NOS1AP: variants seen among roughly 807,000 people sequenced by gnomAD.
NOS1AP encodes the protein nitric oxide synthase 1 adaptor protein, also known as carboxyl-terminal PDZ ligand of neuronal nitric oxide synthase protein.
In NOS1AP, 21 loss-of-function variants were observed where a neutral mutation model predicts 56.2. The observed-to-expected ratio is 0.37, with a 90% CI of 0.26 to 0.54. NOS1AP has a LOEUF of 0.54. NOS1AP is among the 20% of genes least tolerant of loss of function. NOS1AP has a pLI of 0.84. For missense variants in NOS1AP, 522 were observed against 657.8 expected, an observed-to-expected ratio of 0.79 and a Z score of 2.26; for synonymous variants, 270 against 274.6, an observed-to-expected ratio of 0.98 and a Z score of 0.17.
chr1:162,140,422 A>G (rs981279669), intron 1 of NOS1AP, among the ~76,000 whole-genome samples: 1 of 152,114 alleles, frequency 6.6e-6, no homozygotes, highest in Non-Finnish European at 1.5e-5. Context: ...TCCTGTGTTA[A>G]TTCCCTTAGG....
chr1:162,295,638 A>G (rs2101748254), intron 3 of NOS1AP, among the ~76,000 whole-genome samples: 1 of 152,286 alleles, frequency 6.6e-6, no homozygotes, highest in Admixed American at 6.5e-5. Context: ...AGGCAATAAG[A>G]GACACAATTT....
chr1:162,228,302 A>G (rs1653010591), intron 2 of NOS1AP, among the ~76,000 whole-genome samples: 1 of 152,230 alleles, frequency 6.6e-6, no homozygotes, highest in Non-Finnish European at 1.5e-5. Context: ...AAAAGCGTAT[A>G]TATGTTTACT....
chr1:162,204,512 G>A (rs187043854), intron 2 of NOS1AP, among the ~76,000 whole-genome samples: 1 of 152,296 alleles, frequency 6.6e-6, no homozygotes, highest in Admixed American at 6.5e-5. Context: ...GCAGCGAATG[G>A]CCAGCCAGTG....
chr1:162,362,663 T>G (rs2101827578), intron 8 of NOS1AP, among the ~76,000 whole-genome samples: 1 of 152,348 alleles, frequency 6.6e-6, no homozygotes, highest in South Asian at 2.1e-4. Flanking sequence ...AGTAATTTTA[T>G]TTGCTCAGTA....
rs541050783 is a variant in NOS1AP, at chr1:162,144,095, C to T, written c.106-10310C>T. Among the ~76,000 whole-genome samples, 7 of 152,324 alleles carry T rather than the reference C, an allele frequency of 4.6e-5. No homozygotes were observed. In the South Asian group the frequency reaches 6.2e-4, roughly 14 times the overall value. On this transcript the variant is annotated intron_variant, in intron 1 of 9. Transcript: ENST00000361897. ...TTCAGATGAACCAAATAGGGATCCCCGTCCATTCCTTGTAAGTCTTGGTGC... is the reference window on the plus strand; with the variant it reads ...TTCAGATGAACCAAATAGGGATCCCTGTCCATTCCTTGTAAGTCTTGGTGC...
chr1:162,214,686 T>C (rs1299850180), intron 2 of NOS1AP, among the ~76,000 whole-genome samples: 2 of 152,210 alleles, frequency 1.3e-5, no homozygotes, highest in African/African-American at 2.4e-5. Flanking sequence ...TCATTTGTCT[T>C]TTATCTTATA....
At chr1:162,072,013 T>C (rs984798951) in intron 1 of NOS1AP, among the ~76,000 whole-genome samples, 4 of 151,686 alleles carry the variant, frequency 2.6e-5, no homozygotes, top group African/African-American at 7.3e-5. Context: ...TGAGTTATGA[T>C]TGCACCACTG....
intron 2 of NOS1AP, among the ~76,000 whole-genome samples, chr1:162,161,568 T>G (rs775987492): frequency 6.6e-6 from 1 of 152,094 alleles, no homozygotes. Context: ...ATGTGGATTA[T>G]GAACCATAAA....
At chr1:162,339,362 G>A (rs1388788638) in intron 5 of NOS1AP, among the ~76,000 whole-genome samples, 1 of 151,498 alleles carries the variant, frequency 6.6e-6, no homozygotes, top group African/African-American at 2.4e-5. Flanking sequence ...AACTAAACTG[G>A]ATTTGTACAG....
intron 2 of NOS1AP, among the ~76,000 whole-genome samples, chr1:162,194,055 C>T (rs959569939): frequency 1.3e-5 from 2 of 152,170 alleles, no homozygotes; most frequent in African/African-American, 4.8e-5. Context: ...GATATACACA[C>T]TCTGCTTGCA....
chr1:162,261,662 G>A (rs4436367), intron 2 of NOS1AP, among the ~76,000 whole-genome samples: 1 of 152,078 alleles, frequency 6.6e-6, no homozygotes, highest in African/African-American at 2.4e-5. Context: ...CTGGAAAAGT[G>A]AAGGAAATGG....
At chr1:162,287,083 A>G (rs1488949702) in intron 2 of NOS1AP, among the ~76,000 whole-genome samples, 1 of 152,194 alleles carries the variant, frequency 6.6e-6, no homozygotes, top group Admixed American at 6.5e-5. Context: ...GGGATATTCC[A>G]AATAGGCTAT....
chr1:162,210,058 T>C (rs1045352364), intron 2 of NOS1AP, among the ~76,000 whole-genome samples: 10 of 152,170 alleles, frequency 6.6e-5, no homozygotes, highest in African/African-American at 1.9e-4. Flanking sequence ...TTTTTCCTTA[T>C]TATTTTGATC....
At chr1:162,121,362 G>T (rs963309608) in intron 1 of NOS1AP, among the ~76,000 whole-genome samples, 2 of 151,804 alleles carry the variant, frequency 1.3e-5, no homozygotes, top group African/African-American at 4.8e-5. Flanking sequence ...CAAGTGATCC[G>T]CCCATCTCAG....
chr1:162,114,222 AG>A (rs1433529552), intron 1 of NOS1AP, among the ~76,000 whole-genome samples: 1 of 152,186 alleles, frequency 6.6e-6, no homozygotes, highest in Non-Finnish European at 1.5e-5. Flanking sequence ...TGTATCAGTC[AG>A]GGTTCAACCA....
At chr1:162,152,515 C>T (rs567278002) in intron 1 of NOS1AP, among the ~76,000 whole-genome samples, 195 of 152,318 alleles carry the variant, frequency 1.3e-3, no homozygotes, top group Admixed American at 1.8e-3. Flanking sequence ...CAGACTGTAC[C>T]GCCTCAGCAG....
intron 5 of NOS1AP, among the ~76,000 whole-genome samples, chr1:162,334,412 TAGAA>T (rs1571225968): frequency 6.6e-6 from 1 of 151,776 alleles, no homozygotes; most frequent in Admixed American, 6.6e-5. Context: ...AAAGAACTGA[TAGAA>T]AGGGGAATAG....
At chr1:162,133,048 G>T (rs946895600) in intron 1 of NOS1AP, among the ~76,000 whole-genome samples, 6 of 152,174 alleles carry the variant, frequency 3.9e-5, no homozygotes, top group Non-Finnish European at 7.3e-5. Context: ...ATGGAATATT[G>T]CAATATCACG....
intron 8 of NOS1AP, among the ~76,000 whole-genome samples, chr1:162,362,244 A>G (rs926467078): frequency 1.3e-5 from 2 of 152,204 alleles, no homozygotes; most frequent in African/African-American, 4.8e-5. Flanking sequence ...TGAGGTCAGG[A>G]GTTTGAGACC....
Sources: allele counts gnomAD v4.1 joint callset (sites outside exome capture counted in the v4.1 genomes callset), GRCh38; gene constraint gnomAD v4.1.1; transcripts MANE v1.5; gene names NCBI Gene and HGNC (gene_info 2026-07-23, HGNC 2026-07-21).